KCNT1: variants seen among roughly 807,000 people sequenced by gnomAD.
KCNT1 encodes the protein potassium channel subfamily T member 1.
Under a neutral mutation model 147.8 loss-of-function variants are expected in KCNT1, and 78 were observed. That is an observed-to-expected ratio of 0.53 (90% CI 0.44 to 0.64). KCNT1 has a LOEUF of 0.64. KCNT1 is among the 30% of genes least tolerant of loss of function. KCNT1 has a pLI of 0.00. For missense variants in KCNT1, 1,419 were observed against 1,750.3 expected (o/e 0.81, Z 3.38); for synonymous variants, 867 against 748.8 (o/e 1.16, Z -2.58).
intron 19 of KCNT1, among the ~76,000 whole-genome samples, chr9:135,773,309 C>T (rs1007058885): frequency 6.6e-6 from 1 of 152,198 alleles, no homozygotes; most frequent in African/African-American, 2.4e-5. Flanking sequence ...TTCCCACCCA[C>T]CTCACCAGCC....
intron 24 of KCNT1, among the ~76,000 whole-genome samples, chr9:135,780,375 G>C (rs1338575267): frequency 6.6e-6 from 1 of 152,154 alleles, no homozygotes; most frequent in African/African-American, 2.4e-5. Context: ...ACTGAGCCAG[G>C]CCCGGCCTGG....
At chr9:135,772,512 C>T (rs987731306) in intron 18 of KCNT1, among the ~76,000 whole-genome samples, 1 of 152,178 alleles carries the variant, frequency 6.6e-6, no homozygotes, top group African/African-American at 2.4e-5. Context: ...GGTCTTCGCT[C>T]AACATCATCG....
chr9:135,771,504 G>A (rs943639089), intron 18 of KCNT1, among the ~76,000 whole-genome samples: 6 of 152,236 alleles, frequency 3.9e-5, no homozygotes, highest in African/African-American at 1.4e-4. Context: ...GCCGCCCACA[G>A]GACCGGTTGG....
In KCNT1 at chr9:135,786,514, C is replaced by A. The variant is rs374429090; in HGVS notation, c.3495C>A (p.Thr1165=). Residue 1165 remains threonine (T), a synonymous_variant, in exon 29 of 31, where the codon ACC becomes ACA. Transcript: ENST00000371757. The stretch of plus-strand genomic sequence containing the variant: ...TGAAGCACCTGGGGCTGCCCACCAC[C>A]GGCTACGGTAAGGGCACACGGCGCG... ...NRMKHLGLPT[T]GYDEMNDHQN... The A allele has an allele frequency of 6.3e-7, 1 of 1,592,262 alleles. No individual in the cohort carries two copies. Among genetic ancestry groups the A allele is most frequent in the African/African-American group, 1.4e-5 (1 of 73,402 alleles).
intron 6 of KCNT1, among the ~76,000 whole-genome samples, chr9:135,756,337 C>T (rs1831478794): frequency 6.6e-6 from 1 of 151,182 alleles, no homozygotes; most frequent in African/African-American, 2.4e-5. Flanking sequence ...TGTGTCCTTG[C>T]TGTTTTCCTG....
At position 135,784,800 on chromosome 9, in the gene KCNT1, G is replaced by A. The variant is rs754128567; in HGVS notation, c.3067G>A (p.Gly1023Ser). The A allele has an allele frequency of 5.0e-6, 8 of 1,612,644 alleles. No individual in the cohort carries two copies. The highest frequency in any genetic ancestry group is 2.2e-5 in the East Asian group (1 of 44,876). ...TEGDLWIRTY[G>S]RLFQKLCSSS... is the part of the protein sequence containing the mutation. The stretch of plus-strand genomic sequence containing the variant: ...GGGCGACCTGTGGATCCGCACGTAC[G>A]GCCGCCTCTTCCAGAAGCTCTGCTC... The change falls in exon 27 of 31, where the codon GGC (glycine) becomes AGC (serine). Residue 1023 changes from glycine to serine, a missense_variant. Coordinates refer to ENST00000371757, the MANE Select transcript of KCNT1 (RefSeq NM_020822.3).
intron 1 of KCNT1, 111 bp downstream of exon 1, chr9:135,702,479 C>CCAA: frequency 1.1e-6 from 1 of 907,212 alleles, no homozygotes; most frequent in Non-Finnish European, 1.8e-6. Flanking sequence ...CCAGGGCCAT[C>CCAA]CAACTTCCCC....
chr9:135,785,710 A>G, intron 28 of KCNT1: 1 of 471,060 alleles, frequency 2.1e-6, no homozygotes, highest in Non-Finnish European at 3.9e-6. Context: ...TCTTCCCAGC[A>G]CCCCACGACC....
At chr9:135,736,801 G>T in intron 2 of KCNT1, 1 of 374,626 alleles carries the variant, frequency 2.7e-6, no homozygotes, top group South Asian at 1.3e-4. Flanking sequence ...GGGGCGCGCG[G>T]GCCTGGGACC....
intron 21 of KCNT1, among the ~76,000 whole-genome samples, 194 bp from the exon 22 acceptor site, chr9:135,778,230 C>T (rs989552181): frequency 3.3e-5 from 5 of 152,232 alleles, no homozygotes; most frequent in East Asian, 1.9e-4. Flanking sequence ...CCCACCCTCC[C>T]GGGCCTTGGT....
At position 135,759,788 on chromosome 9, in the gene KCNT1, C is replaced by T; in HGVS notation, c.964C>T (p.Pro322Ser). Residue 322 changes from proline to serine, a missense_variant, in exon 11 of 31, where the codon CCC becomes TCC. This residue lies in a region of KCNT1 where 401 missense variants were observed against 610.6 expected (regional missense o/e 0.66). Transcript: ENST00000371757. ...FSTVGYGDVT[P>S]KIWPSQLLVV... ...CACCGTGGGCTACGGTGACGTCACG[C>T]CCAAGATCTGGCCATCGCAGCTGCT... is the stretch of plus-strand genomic sequence containing the variant. 2 of 1,613,568 alleles carry T rather than the reference C, an allele frequency of 1.2e-6. No individual in the cohort carries two copies. The highest frequency in any genetic ancestry group is 8.5e-7 in the Non-Finnish European group (1 of 1,179,862).
Position 135,777,489 on chromosome 9 carries a change from T to G in KCNT1, c.2501T>G (p.Ile834Ser). The G allele has an allele frequency of 6.2e-7, 1 of 1,613,766 alleles. No homozygotes were observed. ...AGATCCCGCAAGGAGCTGAACCCCA[T>G]CGTGCTGCTGCTGGACAACAAGTGA... ...YYRSRKELNP[I>S]VLLLDNKPDH... Residue 834 changes from isoleucine to serine, a missense_variant, in exon 21 of 31, where the codon ATC (isoleucine) becomes AGC (serine). Physicochemically the swap from Ile to Ser is moderately radical, Grantham distance 142. Coordinates refer to ENST00000371757, the MANE Select transcript of KCNT1 (RefSeq NM_020822.3).
At chr9:135,713,501 C>A (rs1268677557) in intron 1 of KCNT1, among the ~76,000 whole-genome samples, 1 of 152,162 alleles carries the variant, frequency 6.6e-6, no homozygotes, top group Non-Finnish European at 1.5e-5. Context: ...GCCCACCCCT[C>A]CCGACTTGAG....
chr9:135,778,350 G>T lies in KCNT1; in HGVS notation c.2523-74G>T, dbSNP rs1833330370. The T allele has an allele frequency of 5.8e-6, 8 of 1,375,132 alleles. No individual in the cohort carries two copies. The East Asian group carries it at 2.0e-4, about 34-fold the overall frequency. The allele number at this position is 1,375,132 out of a possible 1,614,324, so 85.2% of individuals were successfully genotyped here. A position where few individuals can be genotyped will look rare whatever the true frequency, so the allele number is the denominator to read the frequency against. On this transcript the variant is annotated intron_variant, in intron 21 of 30. Coordinates refer to ENST00000371757, the MANE Select transcript of KCNT1 (RefSeq NM_020822.3). The stretch of plus-strand genomic sequence containing the variant: ...CCTGGCCCAGCTCTGTGCATGGAGG[G>T]TAGGGCCCCACTGGGCCTGAGGAGG...
intron 2 of KCNT1, chr9:135,736,986 C>A: frequency 3.4e-6 from 1 of 291,762 alleles, no homozygotes; most frequent in Non-Finnish European, 6.3e-6. Context: ...CCCCACTCCC[C>A]CCACGTAGGG....
chr9:135,785,467 C>T (rs748431099), intron 28 of KCNT1, 137 bp downstream of exon 28: 33 of 1,067,144 alleles, frequency 3.1e-5, no homozygotes, highest in African/African-American at 6.4e-5. Flanking sequence ...GCGGGTCCCA[C>T]GGATGTGTCG....
At chr9:135,742,745 C>G in intron 2 of KCNT1, 1 of 717,490 alleles carries the variant, frequency 1.4e-6, no homozygotes, top group Non-Finnish European at 2.6e-6. Context: ...CTCCCGCATT[C>G]TGGTTGATGC....
At chr9:135,759,377 A>G (rs1309942806) in intron 10 of KCNT1, among the ~76,000 whole-genome samples, 1 of 151,570 alleles carries the variant, frequency 6.6e-6, no homozygotes, top group Non-Finnish European at 1.5e-5. Context: ...GGGACCTAGG[A>G]GAGAGCCACC....
At chr9:135,757,524 ACT>A (rs1449059048) in intron 9 of KCNT1, 143 bp downstream of exon 9, 5 of 704,104 alleles carry the variant, frequency 7.1e-6, no homozygotes, top group Non-Finnish European at 9.8e-6. Flanking sequence ...GGCAGCAGAA[ACT>A]CTGTCTCTGC....
Sources: allele counts gnomAD v4.1 joint callset (sites outside exome capture counted in the v4.1 genomes callset), GRCh38; gene constraint gnomAD v4.1.1; regional missense constraint gnomAD v4.1.1; transcripts MANE v1.5; gene names NCBI Gene and HGNC (gene_info 2026-07-23, HGNC 2026-07-21).